Variants in PDE10A observed in about 807,000 individuals in gnomAD.
The protein encoded by PDE10A is phosphodiesterase 10A.
A neutral mutation model predicts 97.7 loss-of-function variants in PDE10A; 39 were observed. That is an observed-to-expected ratio of 0.40 (90% CI 0.31 to 0.52). The LOEUF (loss-of-function observed/expected upper bound fraction) is 0.52. PDE10A is among the 20% of genes least tolerant of loss of function. The pLI, the probability that PDE10A is intolerant of heterozygous loss-of-function variation, is 0.56. For missense variants in PDE10A, 731 were observed against 1,047.8 expected, an observed-to-expected ratio of 0.70 and a Z score of 4.17; for synonymous variants, 371 against 376.8, an observed-to-expected ratio of 0.98 and a Z score of 0.18.
chr6:165,527,934 G>A (rs1464029738), intron 2 of PDE10A, among the ~76,000 whole-genome samples: 2 of 152,180 alleles, frequency 1.3e-5, no homozygotes, highest in Non-Finnish European at 2.9e-5. Context: ...ACCCAAAAGT[G>A]GATAGCTGAG....
chr6:165,620,539 A>C (rs1427749600), intron 1 of PDE10A, among the ~76,000 whole-genome samples: 1 of 152,168 alleles, frequency 6.6e-6, no homozygotes, highest in African/African-American at 2.4e-5. Flanking sequence ...GTGCAGAGCC[A>C]CTGAAGGCTA....
intron 1 of PDE10A, among the ~76,000 whole-genome samples, chr6:165,804,289 A>AT (rs1779057024): frequency 6.6e-6 from 1 of 152,204 alleles, no homozygotes; most frequent in African/African-American, 2.4e-5. Context: ...AGATCCTCAA[A>AT]TTGTAGTATT....
intron 1 of PDE10A, among the ~76,000 whole-genome samples, chr6:165,921,056 G>A (rs961416987): frequency 6.6e-6 from 1 of 152,212 alleles, no homozygotes; most frequent in African/African-American, 2.4e-5. Context: ...AATAGGAGGA[G>A]CTGGTTGAGG....
chr6:165,581,813 C>T (rs943743307), intron 1 of PDE10A, among the ~76,000 whole-genome samples: 1 of 152,176 alleles, frequency 6.6e-6, no homozygotes, highest in Non-Finnish European at 1.5e-5. Flanking sequence ...TAGCCCTAAA[C>T]TGATCTCATA....
chr6:165,373,640 A>C (rs1361661842), intron 18 of PDE10A, among the ~76,000 whole-genome samples: 2 of 152,176 alleles, frequency 1.3e-5, no homozygotes, highest in African/African-American at 4.8e-5. Context: ...GTGGGACTGT[A>C]AACTAGTTCA....
chr6:165,974,600 A>G (rs547622348), intron 1 of PDE10A, among the ~76,000 whole-genome samples: 1 of 152,374 alleles, frequency 6.6e-6, no homozygotes, highest in East Asian at 1.9e-4. Flanking sequence ...GCTGAATGAT[A>G]AAGAGTGCAG....
At position 165,388,083 on chromosome 6, in the gene PDE10A, G is replaced by A. The variant is rs1302817617; in HGVS notation, c.2610+215C>T. Among the ~76,000 whole-genome samples the A allele has an allele frequency of 6.6e-6, 1 of 152,120 alleles. No individual in the cohort carries two copies. The highest frequency in any genetic ancestry group is 1.5e-5 in the Non-Finnish European group (1 of 68,010). ...CTGATATAATGTTTAAAAAACAAAT[G>A]TGATTGCAAAATACATATATTCAAA... On this transcript the variant is annotated intron_variant, in intron 17 of 21. Transcript: ENST00000539869. The surrounding 1 kb of genome is among the most constrained non-coding windows in gnomAD (Gnocchi z 4.0).
At chr6:165,759,430 A>G (rs1793200593) in intron 1 of PDE10A, among the ~76,000 whole-genome samples, 1 of 152,128 alleles carries the variant, frequency 6.6e-6, no homozygotes, top group African/African-American at 2.4e-5. Flanking sequence ...TCACGGGGCC[A>G]GGTCATCAGT....
In PDE10A at chr6:165,521,766, C is replaced by G. The variant is rs142875460; in HGVS notation, c.994+21674G>C. Among the ~76,000 whole-genome samples the G allele has an allele frequency of 7.7e-3, 1,168 of 152,292 alleles. 15 individuals are homozygous for G. The highest frequency in any genetic ancestry group is 0.026 in the African/African-American group (1,066 of 41,564). ...CATGAAGTTTAAGGAAAGACGCCAT[C>G]TCCACAACATAAAAGCTCAATGTGA... On this transcript the variant is annotated intron_variant, in intron 2 of 21. Coordinates refer to ENST00000539869, the MANE Select transcript of PDE10A (RefSeq NM_001385079.1).
rs1273911535 is a variant in PDE10A, at chr6:165,631,609, G to T, written c.865+30338C>A. On this transcript the variant is annotated intron_variant, in intron 1 of 21. Coordinates refer to ENST00000539869, the MANE Select transcript of PDE10A (RefSeq NM_001385079.1). ...TCATTATTTGTATGTCTGAATTAAAGAGTTTCAACATTTTTATTACATGGT... is the reference window on the plus strand; with the variant it reads ...TCATTATTTGTATGTCTGAATTAAATAGTTTCAACATTTTTATTACATGGT... 7.9e-5 allele frequency among the ~76,000 whole-genome samples: 12 copies of T among 152,290 alleles called. No homozygotes were observed. In the East Asian group the frequency reaches 2.3e-3, roughly 29 times the overall value.
rs367903776 is a variant in PDE10A, at chr6:165,903,821, G to A, written c.-615+83708C>T. Among the ~76,000 whole-genome samples the A allele has an allele frequency of 6.6e-5, 10 of 152,312 alleles. No individual in the cohort carries two copies. The South Asian group carries it at 1.2e-3, about 19-fold the overall frequency. On this transcript the variant is annotated intron_variant, in intron 1 of 19. Coordinates refer to the PDE10A transcript ENST00000366882. ...CCAGGAGGAAACAGGAGGATGAGACGTCCTAGGAACCAAGGGAAGAGGGTG... is the reference window on the plus strand; with the variant it reads ...CCAGGAGGAAACAGGAGGATGAGACATCCTAGGAACCAAGGGAAGAGGGTG...
chr6:165,643,386 A>C (rs886363780), intron 1 of PDE10A, among the ~76,000 whole-genome samples: 1 of 152,118 alleles, frequency 6.6e-6, no homozygotes, highest in African/African-American at 2.4e-5. Context: ...TCCCACATTC[A>C]CAGATGCTCT....
intron 1 of PDE10A, among the ~76,000 whole-genome samples, chr6:165,841,019 A>G (rs1780243210): frequency 6.6e-6 from 1 of 152,238 alleles, no homozygotes; most frequent in South Asian, 2.1e-4. Flanking sequence ...AACTGAATTT[A>G]AAACCAACAG....
intron 18 of PDE10A, among the ~76,000 whole-genome samples, chr6:165,361,371 TAAATC>T (rs1783413776): frequency 6.6e-6 from 1 of 152,194 alleles, no homozygotes. Flanking sequence ...TGACCACAAT[TAAATC>T]AATAACAAAA....
chr6:165,839,971 T>TCATCCCCATCCCCATCTCCAACTC (rs1780204572), intron 1 of PDE10A, among the ~76,000 whole-genome samples: 1 of 48,942 alleles, frequency 2.0e-5, no homozygotes, highest in Non-Finnish European at 4.3e-5. Flanking sequence ...ATCTCTGTCT[T>TCATCCCCATCCCCATCTCCAACTC]CATCCCCATC....
chr6:165,459,514 TAGATAGATAGACAGAC>T (rs1278547287), intron 3 of PDE10A, among the ~76,000 whole-genome samples: 74 of 64,186 alleles, frequency 1.2e-3, no homozygotes, highest in African/African-American at 3.6e-3. Context: ...GATAGATAGA[TAGATAGATAGACAGAC>T]AGACAGACAG....
intron 18 of PDE10A, among the ~76,000 whole-genome samples, chr6:165,357,744 C>CT (rs5881646): frequency 0.47 from 70,950 of 151,556 alleles, 17,500 homozygotes; most frequent in African/African-American, 0.64. Flanking sequence ...TTAATATTTT[C>CT]TTTTTTTTCC....
intron 1 of PDE10A, among the ~76,000 whole-genome samples, chr6:165,609,206 T>C (rs1787373321): frequency 6.6e-6 from 1 of 152,228 alleles, no homozygotes; most frequent in Non-Finnish European, 1.5e-5. Flanking sequence ...TGAATGGTAC[T>C]GCCTAGGTTC....
intron 1 of PDE10A, among the ~76,000 whole-genome samples, chr6:165,624,265 C>T (rs1324627307): frequency 3.3e-5 from 5 of 152,214 alleles, no homozygotes; most frequent in African/African-American, 1.2e-4. Flanking sequence ...GTCTCTCTCG[C>T]TCCCCACCCA....
Sources: allele counts gnomAD v4.1 joint callset (sites outside exome capture counted in the v4.1 genomes callset), GRCh38; gene constraint gnomAD v4.1.1; non-coding constraint Gnocchi (gnomAD v3.1); transcripts MANE v1.5; gene names NCBI Gene and HGNC (gene_info 2026-07-23, HGNC 2026-07-21).